The following NFATC2 variants were observed in gnomAD, a reference collection of about 807,000 sequenced individuals.
The protein encoded by NFATC2 is nuclear factor of activated T cells 2.
Under a neutral mutation model 87.3 loss-of-function variants are expected in NFATC2, and 22 were observed. That is an observed-to-expected ratio of 0.25 (90% CI 0.18 to 0.36). The LOEUF is 0.36. Among genes scored for constraint, NFATC2 ranks in the 10% least tolerant of loss-of-function variants. NFATC2 has a pLI of 1.00. For missense variants in NFATC2, 1,149 were observed against 1,259.1 expected, an observed-to-expected ratio of 0.91 and a Z score of 1.32; for synonymous variants, 565 against 542.2, an observed-to-expected ratio of 1.04 and a Z score of -0.58.
chr20:51,454,802 T>C lies in NFATC2; in HGVS notation c.1709-114A>G, dbSNP rs534780208. 103 of 1,183,156 alleles carry C rather than the reference T, an allele frequency of 8.7e-5. 2 individuals carry two copies. The African/African-American group carries it at 1.3e-3, about 15-fold the overall frequency. The allele number at this position is 1,183,156 out of a possible 1,614,324, so 73.3% of individuals were successfully genotyped here. On this transcript the variant is annotated intron_variant, in intron 5 of 10. Coordinates refer to ENST00000371564, the MANE Select transcript of NFATC2 (RefSeq NM_012340.5). ...ATGCTCTGCCCACCTGTGTCACCTG[T>C]TGTTATCTAAAATGTGGAACCATCA...
intron 6 of NFATC2, among the ~76,000 whole-genome samples, chr20:51,449,178 G>A (rs535250633): frequency 3.3e-5 from 5 of 152,260 alleles, no homozygotes; most frequent in South Asian, 2.1e-4. Context: ...CAACTGTTCC[G>A]CCCCGCCCCG....
At chr20:51,438,481 A>T (rs1324720977) in intron 6 of NFATC2, among the ~76,000 whole-genome samples, 1 of 152,030 alleles carries the variant, frequency 6.6e-6, no homozygotes, top group East Asian at 1.9e-4. Flanking sequence ...GAAGTTCATA[A>T]TGGGGAAGAA....
At chr20:51,537,947 T>C (rs892028995) in intron 1 of NFATC2, among the ~76,000 whole-genome samples, 1 of 152,102 alleles carries the variant, frequency 6.6e-6, no homozygotes, top group African/African-American at 2.4e-5. Flanking sequence ...TTGACTCCAG[T>C]AGAAGTAGAA....
intron 9 of NFATC2, among the ~76,000 whole-genome samples, chr20:51,426,608 G>A (rs1218613236): frequency 1.3e-5 from 2 of 152,174 alleles, no homozygotes; most frequent in African/African-American, 4.8e-5. Context: ...TTCTACAGAT[G>A]GGGACATGAA....
At chr20:51,441,097 A>C (rs6013186) in intron 6 of NFATC2, among the ~76,000 whole-genome samples, 2 of 151,848 alleles carry the variant, frequency 1.3e-5, no homozygotes, top group Non-Finnish European at 1.5e-5. Flanking sequence ...AGCCTGGCCA[A>C]CGTGGCGAAA....
At chr20:51,556,655 G>T (rs749305282) in intron 1 of NFATC2, among the ~76,000 whole-genome samples, 1 of 152,186 alleles carries the variant, frequency 6.6e-6, no homozygotes, top group Non-Finnish European at 1.5e-5. Context: ...GGAAAGGAGA[G>T]AAACCCAGAT....
intron 3 of NFATC2, among the ~76,000 whole-genome samples, chr20:51,477,574 T>C (rs397865380): frequency 1.4e-5 from 1 of 69,676 alleles, no homozygotes; most frequent in Non-Finnish European, 3.0e-5. Context: ...TATATATATA[T>C]ATATATAAAA....
intron 9 of NFATC2, among the ~76,000 whole-genome samples, chr20:51,422,965 T>C (rs981577311): frequency 6.6e-6 from 1 of 151,422 alleles, no homozygotes; most frequent in Non-Finnish European, 1.5e-5. Context: ...CTAGCGCTGA[T>C]ATTAGAAAGT....
chr20:51,431,531 C>G (rs534052021), intron 9 of NFATC2, among the ~76,000 whole-genome samples: 17 of 152,322 alleles, frequency 1.1e-4, no homozygotes, highest in African/African-American at 3.8e-4. Flanking sequence ...CTCTGTTCCA[C>G]GAGCACAGGG....
At chr20:51,515,377 C>A (rs1413342901) in intron 3 of NFATC2, among the ~76,000 whole-genome samples, 3 of 152,204 alleles carry the variant, frequency 2.0e-5, no homozygotes, top group African/African-American at 7.2e-5. Context: ...AGGCACATGC[C>A]TCAGAGGAAG....
At chr20:51,471,761 C>G (rs1323492484) in intron 5 of NFATC2, among the ~76,000 whole-genome samples, 1 of 152,214 alleles carries the variant, frequency 6.6e-6, no homozygotes, top group Non-Finnish European at 1.5e-5. Flanking sequence ...CAGACTATCT[C>G]TGATTAACAG....
intron 5 of NFATC2, among the ~76,000 whole-genome samples, chr20:51,458,873 C>A (rs1188183568): frequency 6.6e-6 from 1 of 152,110 alleles, no homozygotes; most frequent in African/African-American, 2.4e-5. Flanking sequence ...ATCTGTGGTA[C>A]CATCACTGCA....
At chr20:51,415,908 A>G (rs1389377631) in intron 9 of NFATC2, among the ~76,000 whole-genome samples, 1 of 152,176 alleles carries the variant, frequency 6.6e-6, no homozygotes, top group Admixed American at 6.5e-5. Flanking sequence ...CCAAATACAG[A>G]TAATGATGTT....
At chr20:51,448,168 G>A (rs929399868) in intron 6 of NFATC2, among the ~76,000 whole-genome samples, 1 of 152,192 alleles carries the variant, frequency 6.6e-6, no homozygotes, top group East Asian at 1.9e-4. Flanking sequence ...AGACAGACAA[G>A]GTAGGTGATT....
intron 1 of NFATC2, among the ~76,000 whole-genome samples, chr20:51,548,223 A>G (rs1363835681): frequency 6.6e-6 from 1 of 152,004 alleles, no homozygotes; most frequent in Non-Finnish European, 1.5e-5. Flanking sequence ...GTTCCCTCAG[A>G]TATTGCCTGG....
upstream of NFATC2, among the ~76,000 whole-genome samples, chr20:51,543,762 C>T (rs1234718711): frequency 6.6e-6 from 1 of 152,124 alleles, no homozygotes; most frequent in Admixed American, 6.6e-5. Flanking sequence ...ATTTGGCAAA[C>T]ACTGCATAAG....
intron 5 of NFATC2, among the ~76,000 whole-genome samples, chr20:51,469,589 T>A (rs574916187): frequency 2.6e-5 from 4 of 152,102 alleles, no homozygotes; most frequent in Admixed American, 2.0e-4. Context: ...GGAACCAGGG[T>A]CTTCACATAT....
chr20:51,395,490 T>C (rs1389973674), intron 10 of NFATC2, among the ~76,000 whole-genome samples: 1 of 152,064 alleles, frequency 6.6e-6, no homozygotes, highest in Non-Finnish European at 1.5e-5. Context: ...GGAGAAAGTG[T>C]CCCTTTCTCA....
intron 1 of NFATC2, among the ~76,000 whole-genome samples, chr20:51,549,258 GT>G (rs2076913529): frequency 8.3e-6 from 1 of 120,534 alleles, no homozygotes; most frequent in Admixed American, 7.5e-5. Flanking sequence ...AGGTTTTTTG[GT>G]TTTTTTGTTT....
Sources: gnomAD v4.1 joint callset for allele counts (sites outside exome capture counted in the v4.1 genomes callset) on GRCh38, gnomAD v4.1.1 for gene constraint, MANE v1.5 for transcripts, NCBI Gene and HGNC (gene_info 2026-07-23, HGNC 2026-07-21) for gene names.